The following VGLL3 variants were observed in gnomAD, a reference collection of about 807,000 sequenced individuals.
VGLL3 encodes transcription cofactor vestigial-like protein 3.
A neutral mutation model predicts 29.2 loss-of-function variants in VGLL3; 18 were observed. The observed-to-expected ratio is 0.62, with a 90% CI of 0.43 to 0.91. The LOEUF is 0.91. VGLL3 is among the 40% of genes least tolerant of loss of function. The probability of loss-of-function intolerance (pLI) is 0.00; values close to 1 mark genes in which losing one functional copy is unlikely to be tolerated. For missense variants in VGLL3, 440 were observed against 413.2 expected, an observed-to-expected ratio of 1.06 and a Z score of -0.56; for synonymous variants, 180 against 151.8, an observed-to-expected ratio of 1.19 and a Z score of -1.36.
chr3:86,968,736 A>G lies in VGLL3; in HGVS notation c.791T>C (p.Met264Thr). 1 of 1,614,180 alleles carries G rather than the reference A, an allele frequency of 6.2e-7. No individual in the cohort carries two copies. The part of the protein sequence containing the change: ...ALDPSYGPLL[M>T]PSVHAARIPA... ...AATCCTGGCCGCATGCACTGAAGGC[A>G]TCAGCAGAGGCCCATAGGATGGATC... The change falls in exon 3 of 4, where the codon ATG becomes ACG. Residue 264 changes from methionine (M) to threonine (T), a missense_variant. By Grantham distance (81) the Met-to-Thr change is moderately conservative. Coordinates refer to ENST00000398399, the MANE Select transcript of VGLL3 (RefSeq NM_016206.4).
intron 1 of VGLL3, among the ~76,000 whole-genome samples, chr3:86,982,175 G>C (rs369672178): frequency 6.7e-4 from 102 of 151,908 alleles, no homozygotes; most frequent in African/African-American, 2.3e-3. Flanking sequence ...ATGGACTTTT[G>C]CTCTTGTTGC....
intron 3 of VGLL3, among the ~76,000 whole-genome samples, chr3:86,965,990 C>T (rs1704949683): frequency 1.3e-5 from 2 of 152,150 alleles, no homozygotes; most frequent in African/African-American, 2.4e-5. Flanking sequence ...TCTCTAACTC[C>T]TCCCAAAGAT....
chr3:86,983,487 G>T (rs1459640952), intron 1 of VGLL3, among the ~76,000 whole-genome samples: 1 of 152,118 alleles, frequency 6.6e-6, no homozygotes, highest in Non-Finnish European at 1.5e-5. Flanking sequence ...CACCTCTCAG[G>T]CTCAAATGAT....
At chr3:86,961,949 T>A (rs969907727) in intron 3 of VGLL3, 1 of 981,502 alleles carries the variant, frequency 1.0e-6, no homozygotes, top group Non-Finnish European at 1.2e-6. Flanking sequence ...TAAAACATTT[T>A]ATATGCTATA....
intron 3 of VGLL3, among the ~76,000 whole-genome samples, chr3:86,960,641 G>A (rs1704818286): frequency 6.6e-6 from 1 of 152,038 alleles, no homozygotes; most frequent in Non-Finnish European, 1.5e-5. Flanking sequence ...CCCTCTGTCT[G>A]GCAAATAACC....
Position 86,944,574 on chromosome 3 carries a change from G to A in VGLL3, c.*2450C>T, listed in dbSNP as rs898856331. The stretch of plus-strand genomic sequence containing the variant: ...CCTGGGTCCTGTTTTCAAAGAGAGA[G>A]CTCACTTACAAATCTTTCCTGTGTA... On this transcript the variant is annotated 3_prime_UTR_variant, in exon 4 of 4. Coordinates refer to ENST00000398399, the MANE Select transcript of VGLL3 (RefSeq NM_016206.4). The A allele has an allele frequency of 6.6e-6, 1 of 152,254 alleles. No individual in the cohort carries two copies. The highest frequency in any genetic ancestry group is 6.5e-5 in the Admixed American group (1 of 15,274). 9.4% of individuals were successfully genotyped at this position (152,254 alleles called of 1,614,324 possible). A position where few individuals can be genotyped will look rare whatever the true frequency, so the allele number is the denominator to read the frequency against.
At chr3:86,958,766 A>C (rs969539820) in intron 3 of VGLL3, among the ~76,000 whole-genome samples, 1 of 152,194 alleles carries the variant, frequency 6.6e-6, no homozygotes. Context: ...TTTTGCATGC[A>C]TCTCAAAGAT....
intron 3 of VGLL3, 21 bp from the exon 4 acceptor site, chr3:86,947,088 G>GA (rs778465631): frequency 1.4e-5 from 11 of 779,442 alleles, no homozygotes; most frequent in Non-Finnish European, 2.4e-5. Context: ...TGACAATGGG[G>GA]AAAAAATAAA....
At chr3:86,974,054 G>A (rs1490856077) in intron 2 of VGLL3, among the ~76,000 whole-genome samples, 1 of 151,860 alleles carries the variant, frequency 6.6e-6, no homozygotes, top group African/African-American at 2.4e-5. Flanking sequence ...ATAACTCTAG[G>A]AGAAGGGTAT....
intron 1 of VGLL3, among the ~76,000 whole-genome samples, chr3:86,984,545 G>A (rs1318339983): frequency 6.6e-6 from 1 of 152,140 alleles, no homozygotes; most frequent in Admixed American, 6.6e-5. Context: ...ATATCATGAG[G>A]GTATGTGTTC....
intron 2 of VGLL3, among the ~76,000 whole-genome samples, chr3:86,977,421 C>T (rs1265975581): frequency 6.6e-6 from 1 of 152,174 alleles, no homozygotes; most frequent in Non-Finnish European, 1.5e-5. Context: ...TCACCTGGCC[C>T]TGCCCACAGG....
chr3:86,982,206 G>A (rs1705338805), intron 1 of VGLL3, among the ~76,000 whole-genome samples: 2 of 152,108 alleles, frequency 1.3e-5, no homozygotes, highest in Non-Finnish European at 2.9e-5. Context: ...GTGCAATGGT[G>A]TGATCTTGGC....
intron 2 of VGLL3, among the ~76,000 whole-genome samples, chr3:86,969,798 T>A (rs1705053558): frequency 6.6e-6 from 1 of 151,992 alleles, no homozygotes; most frequent in African/African-American, 2.4e-5. Context: ...ATGCCCAACA[T>A]TTTTCCAGGG....
chr3:86,942,437 TA>T lies in VGLL3; in HGVS notation c.*4586del, dbSNP rs1346797518. ...AGAGTAAATCTGCTGACTGAGATCG[TA>T]AATGGTTGTGTTTTTCCCCCTTTTA... On this transcript the variant is annotated 3_prime_UTR_variant, in exon 4 of 4. Transcript: ENST00000398399. 2.7e-5 allele frequency: 3 copies of T among 110,328 alleles called. No individual in the cohort carries two copies. The highest frequency in any genetic ancestry group is 2.5e-4 in the Admixed American group (3 of 11,954). 6.8% of individuals were successfully genotyped at this position (110,328 alleles called of 1,614,324 possible). A position where few individuals can be genotyped will look rare whatever the true frequency, so the allele number is the denominator to read the frequency against.
intron 1 of VGLL3, among the ~76,000 whole-genome samples, chr3:86,987,241 A>T (rs150702901): frequency 1.1e-3 from 172 of 152,276 alleles, no homozygotes; most frequent in African/African-American, 3.9e-3. Context: ...GACAAACCGA[A>T]TTGCAGAACA....
chr3:86,949,752 G>A (rs933352866), intron 3 of VGLL3, among the ~76,000 whole-genome samples: 56 of 150,878 alleles, frequency 3.7e-4, no homozygotes, highest in African/African-American at 6.3e-4. Flanking sequence ...GCGTGAACCC[G>A]GGAGGCAGAG....
intron 3 of VGLL3, among the ~76,000 whole-genome samples, chr3:86,956,979 C>A (rs1272900386): frequency 6.6e-6 from 1 of 151,892 alleles, no homozygotes; most frequent in African/African-American, 2.4e-5. Context: ...TTTTGTTGAG[C>A]CTAATTCATA....
In VGLL3 at chr3:86,968,782, G is replaced by A; in HGVS notation, c.745C>T (p.Pro249Ser). 6.2e-7 allele frequency: 1 copy of A among 1,614,190 alleles called. No individual in the cohort carries two copies. Among genetic ancestry groups the A allele is most frequent in the Non-Finnish European group, 8.5e-7 (1 of 1,180,028 alleles). The change falls in exon 3 of 4, where the codon CCT (proline) becomes TCT (serine). Residue 249 changes from proline (P) to serine (S), a missense_variant. Transcript: ENST00000398399. ...RHRHHHHHHHPPAGSALDPSY... is the reference protein window; with the variant it reads ...RHRHHHHHHHSPAGSALDPSY... ...GGATCCAGGGCAGAGCCAGCAGGAG[G>A]GTGGTGATGGTGATGATGGTGGCGG...
chr3:86,969,430 A>C (rs988296929), intron 2 of VGLL3, among the ~76,000 whole-genome samples: 1 of 152,192 alleles, frequency 6.6e-6, no homozygotes, highest in African/African-American at 2.4e-5. Context: ...TTTCCTTCTG[A>C]GTACCTTGCA....
Sources: allele counts gnomAD v4.1 joint callset (sites outside exome capture counted in the v4.1 genomes callset), GRCh38; gene constraint gnomAD v4.1.1; transcripts MANE v1.5; gene names NCBI Gene and HGNC (gene_info 2026-07-23, HGNC 2026-07-21).